Variants in CFAP92 observed in about 807,000 individuals in gnomAD.
CFAP92 encodes uncharacterized protein CFAP92.
A neutral mutation model predicts 106.3 loss-of-function variants in CFAP92; 86 were observed. The ratio of observed to expected loss-of-function variants is 0.81; its 90% CI spans 0.68 to 0.97. The LOEUF is 0.97. CFAP92 is among the 50% of genes least tolerant of loss of function. CFAP92 has a pLI of 0.00. For synonymous variants in CFAP92, 477 were observed against 506.4 expected (o/e 0.94, Z 0.78); for missense variants, 1,204 against 1,283.8 (o/e 0.94, Z 0.95).
At chr3:128,971,777 C>T (rs547722800) in intron 7 of CFAP92, among the ~76,000 whole-genome samples, 70 of 152,260 alleles carry the variant, frequency 4.6e-4, no homozygotes, top group African/African-American at 1.6e-3. Context: ...GCAGGGTGGA[C>T]GGTGGGCTTT....
chr3:128,936,520 A>T (rs1939040190), intron 10 of CFAP92, among the ~76,000 whole-genome samples: 1 of 152,148 alleles, frequency 6.6e-6, no homozygotes, highest in Non-Finnish European at 1.5e-5. Context: ...GCGGGGAGAA[A>T]GCACCCAGGG....
At chr3:129,008,313 T>C in the CFAP92 span, among the ~76,000 whole-genome samples, 2 of 152,248 alleles carry the variant, frequency 1.3e-5, no homozygotes, top group Non-Finnish European at 2.9e-5. Context: ...ATGCAAGGTC[T>C]CCTGTCCCTA....
intron 12 of CFAP92, among the ~76,000 whole-genome samples, chr3:128,916,869 CACTCT>C (rs1559846969): frequency 6.6e-6 from 1 of 152,122 alleles, no homozygotes; most frequent in East Asian, 1.9e-4. Context: ...GGAAAGTTAC[CACTCT>C]AAATTGTTGG....
chr3:128,962,202 A>G (rs1007444108), intron 9 of CFAP92, among the ~76,000 whole-genome samples: 10 of 152,212 alleles, frequency 6.6e-5, no homozygotes, highest in Middle Eastern at 3.4e-3. Context: ...CGGAAGCCCC[A>G]TAGACCATCA....
At chr3:128,961,692 C>G (rs1486747766) in intron 9 of CFAP92, among the ~76,000 whole-genome samples, 1 of 152,206 alleles carries the variant, frequency 6.6e-6, no homozygotes, top group East Asian at 1.9e-4. Flanking sequence ...CTTTACAGCC[C>G]TAGACCCTAA....
At chr3:128,995,115 T>C (rs1355643001), upstream of CFAP92, among the ~76,000 whole-genome samples, 1 of 152,174 alleles carries the variant, frequency 6.6e-6, no homozygotes, top group Non-Finnish European at 1.5e-5. Context: ...GAGCTGAGGC[T>C]ACACACAAGC....
At chr3:129,005,554 T>TA (rs1945036126), upstream of CFAP92, among the ~76,000 whole-genome samples, 1 of 152,248 alleles carries the variant, frequency 6.6e-6, no homozygotes, top group South Asian at 2.1e-4. Flanking sequence ...AATAAAAAGT[T>TA]ACCCTGGCTA....
chr3:128,981,496 A>T (rs750889745), intron 4 of CFAP92, among the ~76,000 whole-genome samples: 4 of 151,464 alleles, frequency 2.6e-5, no homozygotes, highest in Non-Finnish European at 5.9e-5. Context: ...ACACCCAGAT[A>T]TTTTTTGTAT....
intron 9 of CFAP92, among the ~76,000 whole-genome samples, chr3:128,958,814 T>A (rs1941644644): frequency 6.6e-6 from 1 of 152,076 alleles, no homozygotes; most frequent in South Asian, 2.1e-4. Context: ...GGCAGGAGGA[T>A]CACCTGAGCC....
chr3:128,992,579 AT>A lies in CFAP92; in HGVS notation c.262+463del, dbSNP rs113974781. On this transcript the variant is annotated intron_variant, in intron 2 of 15. Coordinates refer to ENST00000645291, the MANE Select transcript of CFAP92 (RefSeq NM_001394090.1). ...CCATCTCAATAAAAAAAGAATTATT[AT>A]TTTTTTTTTTTTTGACAGAGTTTTG... 7.0e-3 allele frequency among the ~76,000 whole-genome samples: 1,025 copies of A among 146,252 alleles called. 10 individuals are homozygous for A. The highest frequency in any genetic ancestry group is 0.02 in the African/African-American group (793 of 39,446).
chr3:128,976,330 G>A (rs1041297514), intron 6 of CFAP92, among the ~76,000 whole-genome samples: 7 of 152,034 alleles, frequency 4.6e-5, no homozygotes, highest in Non-Finnish European at 7.4e-5. Context: ...ACATAAGGGG[G>A]GTCTGAACTG....
At chr3:128,987,900 C>T (rs1943960561) in intron 3 of CFAP92, 71 bp from the exon 4 acceptor site, 32 of 1,307,548 alleles carry the variant, frequency 2.4e-5, no homozygotes, top group Non-Finnish European at 3.4e-5. Context: ...CAGAGCAAGC[C>T]CCAGCCCCAG....
In CFAP92 at chr3:128,993,314, C is replaced by G; in HGVS notation, c.-10G>C. ...AGGCATGTAGCGACATGCTGCAGAG[C>G]GCACTGCTGGCCGCCGGCGCTCCTG... On this transcript the variant is annotated 5_prime_UTR_variant, in exon 2 of 16. Coordinates refer to ENST00000645291, the MANE Select transcript of CFAP92 (RefSeq NM_001394090.1). 1 of 1,609,532 alleles carries G rather than the reference C, an allele frequency of 6.2e-7. No homozygotes were observed. Among genetic ancestry groups the G allele is most frequent in the Non-Finnish European group, 8.5e-7 (1 of 1,177,614 alleles).
chr3:128,978,228 A>G (rs750339165), intron 4 of CFAP92, 43 bp from the exon 5 acceptor site: 1 of 1,589,254 alleles, frequency 6.3e-7, no homozygotes, highest in Non-Finnish European at 8.6e-7. Context: ...CAATCAATCC[A>G]AAATATTTAT....
At chr3:128,975,426 GGGATGGAT>G (rs142490124) in intron 7 of CFAP92, among the ~76,000 whole-genome samples, 12,260 of 148,964 alleles carry the variant, frequency 0.082, 1,397 homozygotes, top group African/African-American at 0.25. Context: ...TGGATGGATA[GGGATGGAT>G]GGATGGATGG....
At chr3:128,912,626 C>T in intron 15 of CFAP92, 1 of 1,600,228 alleles carries the variant, frequency 6.2e-7, no homozygotes, top group Non-Finnish European at 8.6e-7. Context: ...ACAGTGTCCC[C>T]TGCTACCGCC....
intron 2 of CFAP92, among the ~76,000 whole-genome samples, chr3:128,992,524 T>C (rs1009460649): frequency 1.3e-5 from 2 of 152,028 alleles, no homozygotes; most frequent in Non-Finnish European, 2.9e-5. Context: ...ATCGCACCAC[T>C]GCACTCCAGC....
chr3:129,015,432 T>G, the CFAP92 span, among the ~76,000 whole-genome samples: 24 of 151,898 alleles, frequency 1.6e-4, no homozygotes, highest in Admixed American at 9.8e-4. Context: ...GGGGGGAGGT[T>G]GCGGGGTAAG....
At chr3:128,962,231 T>TA (rs1448297803) in intron 9 of CFAP92, among the ~76,000 whole-genome samples, 1 of 152,110 alleles carries the variant, frequency 6.6e-6, no homozygotes, top group East Asian at 1.9e-4. Flanking sequence ...GAGCTTCCGG[T>TA]AACTCTCACA....
Sources: allele counts gnomAD v4.1 joint callset (sites outside exome capture counted in the v4.1 genomes callset), GRCh38; gene constraint gnomAD v4.1.1; transcripts MANE v1.5; gene names NCBI Gene and HGNC (gene_info 2026-07-23, HGNC 2026-07-21).